Variants in ANO10 observed in about 807,000 individuals in gnomAD.
ANO10 encodes anoctamin-10.
ANO10 carries 77 observed loss-of-function variants against 74.7 expected under a neutral mutation model. The ratio of observed to expected loss-of-function variants is 1.03; its 90% CI spans 0.86 to 1.25. ANO10 has a LOEUF of 1.25. Among genes scored for constraint, ANO10 ranks in the 50% most tolerant of loss-of-function variants. The pLI is 0.00. For synonymous variants in ANO10, 279 were observed against 284.9 expected (o/e 0.98, Z 0.21); for missense variants, 721 against 778.1 (o/e 0.93, Z 0.87).
At chr3:43,489,400 G>A (rs1170347909) in intron 11 of ANO10, among the ~76,000 whole-genome samples, 1 of 152,064 alleles carries the variant, frequency 6.6e-6, no homozygotes, top group African/African-American at 2.4e-5. Context: ...TAACCTTAAG[G>A]TGGTATATAA....
At position 43,580,345 on chromosome 3, in the gene ANO10, A is replaced by G. The variant is rs779051667; in HGVS notation, c.592+8T>C. On this transcript the variant is annotated splice_region_variant and intron_variant, in intron 5 of 12. Coordinates refer to ENST00000292246, the MANE Select transcript of ANO10 (RefSeq NM_018075.5). ...CTCTTCTTTAAGAGAACAAGTACTG[A>G]CACATACCTATGGGCTGATACTTCA... 1 of 1,613,718 alleles carries G rather than the reference A, an allele frequency of 6.2e-7. No individual in the cohort carries two copies. The highest frequency in any genetic ancestry group is 1.1e-5 in the South Asian group (1 of 91,086).
At chr3:43,640,050 G>A (rs1221288109) in intron 1 of ANO10, among the ~76,000 whole-genome samples, 1 of 152,178 alleles carries the variant, frequency 6.6e-6, no homozygotes, top group African/African-American at 2.4e-5. Flanking sequence ...AGGACACAGA[G>A]TAGGTCTGAA....
intron 11 of ANO10, among the ~76,000 whole-genome samples, chr3:43,539,320 T>C (rs984186285): frequency 2.0e-5 from 3 of 152,164 alleles, no homozygotes; most frequent in African/African-American, 7.2e-5. Context: ...TTCAACTTTC[T>C]AAAGCAACAC....
intron 11 of ANO10, among the ~76,000 whole-genome samples, chr3:43,542,106 G>A (rs943159440): frequency 7.9e-5 from 12 of 152,192 alleles, no homozygotes; most frequent in African/African-American, 2.9e-4. Context: ...TGCTGTAAAA[G>A]TTTAGGTGAG....
chr3:43,561,187 G>C (rs749364383), intron 9 of ANO10, 33 bp downstream of exon 9: 1 of 1,608,078 alleles, frequency 6.2e-7, no homozygotes, highest in Non-Finnish European at 8.5e-7. Context: ...TTCACTCTCA[G>C]TAAATGTTTA....
chr3:43,506,892 A>T (rs1451552016), intron 11 of ANO10, among the ~76,000 whole-genome samples: 2 of 152,156 alleles, frequency 1.3e-5, no homozygotes, highest in Admixed American at 6.5e-5. Context: ...ACTGATTAAC[A>T]TACTATACAT....
chr3:43,393,293 GCTCTGGAGCCT>G (rs773994197), intron 12 of ANO10, among the ~76,000 whole-genome samples: 3 of 152,152 alleles, frequency 2.0e-5, no homozygotes, highest in Non-Finnish European at 2.9e-5. Context: ...CCAGAGCATG[GCTCTGGAGCCT>G]CGGAAAACCA....
chr3:43,391,664 G>A (rs769103880), intron 12 of ANO10, among the ~76,000 whole-genome samples: 1 of 152,200 alleles, frequency 6.6e-6, no homozygotes, highest in Non-Finnish European at 1.5e-5. Context: ...TCATTTGCTA[G>A]CTGTGATGGA....
chr3:43,607,911 T>A (rs148930519), intron 1 of ANO10, among the ~76,000 whole-genome samples: 3 of 151,924 alleles, frequency 2.0e-5, no homozygotes, highest in Non-Finnish European at 4.4e-5. Context: ...ATAAAAACCA[T>A]TGAATGATAA....
intron 1 of ANO10, among the ~76,000 whole-genome samples, chr3:43,654,931 A>T (rs910322265): frequency 3.3e-5 from 5 of 152,234 alleles, no homozygotes; most frequent in African/African-American, 1.2e-4. Context: ...AAAAAGTTAC[A>T]ACTTGAAGTA....
intron 11 of ANO10, among the ~76,000 whole-genome samples, chr3:43,437,525 T>C (rs1196334249): frequency 6.6e-6 from 1 of 152,226 alleles, no homozygotes; most frequent in African/African-American, 2.4e-5. Context: ...AGAGGGCATG[T>C]GAACTTAAAG....
At chr3:43,382,435 C>T (rs1274778054) in intron 12 of ANO10, among the ~76,000 whole-genome samples, 2 of 151,080 alleles carry the variant, frequency 1.3e-5, no homozygotes, top group African/African-American at 2.4e-5. Flanking sequence ...AGGAGAATGG[C>T]GTGAACCCGG....
At chr3:43,533,667 T>C (rs1301248588) in intron 11 of ANO10, among the ~76,000 whole-genome samples, 1 of 152,240 alleles carries the variant, frequency 6.6e-6, no homozygotes, top group Non-Finnish European at 1.5e-5. Flanking sequence ...TTGCTTTTGC[T>C]AAATGATGGT....
intron 11 of ANO10, among the ~76,000 whole-genome samples, chr3:43,525,126 C>G (rs1405513826): frequency 1.3e-5 from 2 of 152,152 alleles, no homozygotes; most frequent in East Asian, 3.9e-4. Context: ...AATGACTGCC[C>G]AGGGCTCTTA....
At chr3:43,687,333 C>T (rs1033152879) in intron 1 of ANO10, among the ~76,000 whole-genome samples, 1 of 152,214 alleles carries the variant, frequency 6.6e-6, no homozygotes, top group Non-Finnish European at 1.5e-5. Context: ...TCTCCATGCC[C>T]TCACTCTCAT....
In ANO10 at chr3:43,523,089, T is replaced by C. The variant is rs141156750; in HGVS notation, c.1797+26631A>G. Among the ~76,000 whole-genome samples the C allele has an allele frequency of 3.8e-3, 577 of 152,248 alleles. 1 individual carries two copies. Among genetic ancestry groups the C allele is most frequent in the African/African-American group, 0.013 (540 of 41,544 alleles). ...ACAGGAAAGAGGTTTATGTGTTCAG[T>C]GATAAAACAGGATGACTCATGTATA... On this transcript the variant is annotated intron_variant, in intron 11 of 12. Transcript: ENST00000292246.
intron 11 of ANO10, chr3:43,484,950 C>G (rs2076411291): frequency 9.7e-7 from 1 of 1,035,316 alleles, no homozygotes; most frequent in Admixed American, 2.5e-5. Context: ...ATTTGGGGCC[C>G]ACCCAGGCAA....
At chr3:43,442,930 T>C (rs897078477) in intron 11 of ANO10, among the ~76,000 whole-genome samples, 2 of 152,252 alleles carry the variant, frequency 1.3e-5, no homozygotes, top group East Asian at 1.9e-4. Flanking sequence ...TTAACTCATA[T>C]GAATTTGTTA....
At chr3:43,586,882 T>G (rs2081504359) in intron 4 of ANO10, among the ~76,000 whole-genome samples, 2 of 151,742 alleles carry the variant, frequency 1.3e-5, no homozygotes, top group Non-Finnish European at 2.9e-5. Flanking sequence ...AGACTGAAAA[T>G]ACAATCGGGA....
Sources: gnomAD v4.1 joint callset for allele counts (sites outside exome capture counted in the v4.1 genomes callset) on GRCh38, gnomAD v4.1.1 for gene constraint, MANE v1.5 for transcripts, NCBI Gene and HGNC (gene_info 2026-07-23, HGNC 2026-07-21) for gene names.